CSMD3: variants seen among roughly 807,000 people sequenced by gnomAD.
CSMD3 encodes CUB and sushi domain-containing protein 3.
Under a neutral mutation model 435.2 loss-of-function variants are expected in CSMD3, and 177 were observed. The ratio of observed to expected loss-of-function variants is 0.41; its 90% confidence interval spans 0.36 to 0.46. The LOEUF (loss-of-function observed/expected upper bound fraction) is 0.46, where lower values mean the gene tolerates loss of function less well. Among genes scored for constraint, CSMD3 ranks in the 20% least tolerant of loss-of-function variants. The pLI is 0.34. For synonymous variants in CSMD3, 1,656 were observed against 1,520.5 expected (o/e 1.09, Z -2.07); for missense variants, 4,265 against 4,504.6 (o/e 0.95, Z 1.52).
rs1821418084 is a variant in CSMD3, at chr8:112,306,325, C to T, written c.7886-133G>A. ...AATTCCTCTGAAACAATCTCAGAAT[C>T]ACAGAAATACTTTCCGAACCATAAA... On this transcript the variant is annotated intron_variant, in intron 50 of 70. Transcript: ENST00000297405. 1.7e-5 allele frequency: 12 copies of T among 702,398 alleles called. No individual in the cohort carries two copies. In the South Asian group the frequency reaches 1.8e-4, roughly 10 times the overall value. The allele number at this position is 702,398 out of a possible 1,614,324, so 43.5% of individuals were successfully genotyped here.
intron 10 of CSMD3, among the ~76,000 whole-genome samples, chr8:112,861,349 T>C (rs1038011314): frequency 6.6e-6 from 1 of 151,854 alleles, no homozygotes; most frequent in African/African-American, 2.4e-5. Flanking sequence ...AAATTCCTAA[T>C]AGGGAGTATA....
intron 13 of CSMD3, among the ~76,000 whole-genome samples, chr8:112,718,253 G>A (rs532399205): frequency 6.6e-6 from 1 of 151,884 alleles, no homozygotes; most frequent in African/African-American, 2.4e-5. Flanking sequence ...AATTGCACAC[G>A]TATAAAGGCT....
intron 6 of CSMD3, among the ~76,000 whole-genome samples, chr8:112,984,086 A>C (rs2130980041): frequency 6.6e-6 from 1 of 152,174 alleles, no homozygotes; most frequent in South Asian, 2.1e-4. Context: ...AAAAAACTTC[A>C]GAAATGATAA....
chr8:112,627,463 T>C (rs539785887), intron 22 of CSMD3, among the ~76,000 whole-genome samples: 1 of 152,236 alleles, frequency 6.6e-6, no homozygotes, highest in South Asian at 2.1e-4. Context: ...CAACAGAGAT[T>C]CCACACAACA....
chr8:112,949,174 A>G lies in CSMD3; in HGVS notation c.1421-1297T>C, dbSNP rs138358682. ...AATTTAATTCAAATTGATTCATCAG[A>G]TAAGAAGATAGCTATCAGACGACTG... On this transcript the variant is annotated intron_variant, in intron 8 of 70. Transcript: ENST00000297405. Among the ~76,000 whole-genome samples, 1,012 of 152,190 alleles carry G rather than the reference A, an allele frequency of 6.6e-3. 12 individuals carry two copies. Among genetic ancestry groups the G allele is most frequent in the African/African-American group, 0.023 (970 of 41,550 alleles).
chr8:112,896,347 G>A (rs1175339538), intron 10 of CSMD3, among the ~76,000 whole-genome samples: 7 of 151,428 alleles, frequency 4.6e-5, no homozygotes, highest in Non-Finnish European at 8.9e-5. Context: ...TAGATATGAA[G>A]TGATAAAAAG....
intron 1 of CSMD3, among the ~76,000 whole-genome samples, chr8:113,373,872 T>C (rs1343833574): frequency 6.6e-6 from 1 of 152,144 alleles, no homozygotes; most frequent in Non-Finnish European, 1.5e-5. Flanking sequence ...GGGAGAGTTG[T>C]CCATATTCTT....
At chr8:112,230,617 T>G (rs1178323615) in intron 69 of CSMD3, among the ~76,000 whole-genome samples, 1 of 152,096 alleles carries the variant, frequency 6.6e-6, no homozygotes, top group African/African-American at 2.4e-5. Context: ...GGTGAAGCCC[T>G]GTCTCTACTA....
intron 13 of CSMD3, among the ~76,000 whole-genome samples, chr8:112,730,469 G>A (rs1358921180): frequency 1.3e-5 from 2 of 152,110 alleles, no homozygotes; most frequent in Non-Finnish European, 2.9e-5. Context: ...CATATGCACT[G>A]TCTTCATCTA....
At chr8:113,074,671 T>C (rs190480991) in intron 5 of CSMD3, among the ~76,000 whole-genome samples, 47 of 152,012 alleles carry the variant, frequency 3.1e-4, no homozygotes, top group Non-Finnish European at 3.4e-4. Context: ...ACACTCTTTA[T>C]AGCTTTATTT....
At chr8:112,251,353 A>C (rs1235479588) in intron 63 of CSMD3, among the ~76,000 whole-genome samples, 1 of 151,818 alleles carries the variant, frequency 6.6e-6, no homozygotes, top group Non-Finnish European at 1.5e-5. Context: ...GAAAGGCAAG[A>C]TCATAAAAAA....
At chr8:112,659,446 G>A (rs547259754) in intron 17 of CSMD3, among the ~76,000 whole-genome samples, 4 of 152,180 alleles carry the variant, frequency 2.6e-5, no homozygotes, top group Non-Finnish European at 5.9e-5. Flanking sequence ...TTCAATTTTT[G>A]TTGTCTTTAA....
At chr8:112,433,644 G>A (rs1586308766) in intron 32 of CSMD3, among the ~76,000 whole-genome samples, 3 of 72,948 alleles carry the variant, frequency 4.1e-5, no homozygotes, top group African/African-American at 1.4e-4. Context: ...GCAACACTGA[G>A]AGAACCTGTC....
intron 9 of CSMD3, among the ~76,000 whole-genome samples, chr8:112,922,516 C>T (rs2082776118): frequency 6.6e-6 from 1 of 151,982 alleles, no homozygotes; most frequent in African/African-American, 2.4e-5. Context: ...CTCCTAGCCG[C>T]CCCCACATCC....
intron 6 of CSMD3, among the ~76,000 whole-genome samples, chr8:113,018,563 T>C (rs2086560055): frequency 6.6e-6 from 1 of 152,160 alleles, no homozygotes; most frequent in Non-Finnish European, 1.5e-5. Flanking sequence ...ATAATAATCT[T>C]GTTCCAAAGA....
intron 30 of CSMD3, among the ~76,000 whole-genome samples, chr8:112,495,620 C>T (rs1009561650): frequency 3.9e-5 from 6 of 152,018 alleles, no homozygotes; most frequent in African/African-American, 1.4e-4. Flanking sequence ...GCAATTACAC[C>T]TGGAAATTTT....
chr8:113,329,597 G>A (rs927322078), intron 1 of CSMD3, among the ~76,000 whole-genome samples: 12 of 152,066 alleles, frequency 7.9e-5, no homozygotes, highest in Non-Finnish European at 1.8e-4. Context: ...GAAAAAAGTC[G>A]TCAAATACTT....
At chr8:112,655,820 T>TTA (rs914595141) in intron 18 of CSMD3, among the ~76,000 whole-genome samples, 27 of 151,992 alleles carry the variant, frequency 1.8e-4, no homozygotes, top group African/African-American at 6.5e-4. Flanking sequence ...ATGTTATTGT[T>TTA]TATATATATC....
intron 14 of CSMD3, among the ~76,000 whole-genome samples, chr8:112,689,006 A>T (rs1285538700): frequency 6.6e-6 from 1 of 152,044 alleles, no homozygotes; most frequent in African/African-American, 2.4e-5. Flanking sequence ...TTGTCAACAA[A>T]AGTATTTTGA....
Sources: allele counts gnomAD v4.1 joint callset (sites outside exome capture counted in the v4.1 genomes callset), GRCh38; gene constraint gnomAD v4.1.1; transcripts MANE v1.5; gene names NCBI Gene and HGNC (gene_info 2026-07-23, HGNC 2026-07-21).